LRRC4C: variants seen among roughly 807,000 people sequenced by gnomAD.
LRRC4C encodes leucine-rich repeat-containing protein 4C.
Under a neutral mutation model 33.6 loss-of-function variants are expected in LRRC4C, and 5 were observed. The ratio of observed to expected loss-of-function variants is 0.15; its 90% CI spans 0.08 to 0.31. The LOEUF (loss-of-function observed/expected upper bound fraction) is 0.31. LRRC4C is among the 10% of genes least tolerant of loss of function. The pLI is 1.00. For synonymous variants in LRRC4C, 329 were observed against 302.0 expected, an observed-to-expected ratio of 1.09 and a Z score of -0.93; for missense variants, 560 against 796.7, an observed-to-expected ratio of 0.70 and a Z score of 3.58.
At chr11:40,974,144 G>A (rs1458681434) in intron 1 of LRRC4C, among the ~76,000 whole-genome samples, 1 of 152,120 alleles carries the variant, frequency 6.6e-6, no homozygotes. Flanking sequence ...AAGTATTACA[G>A]GGTAATTTGA....
intron 1 of LRRC4C, among the ~76,000 whole-genome samples, chr11:41,420,595 T>C (rs1954842413): frequency 6.6e-6 from 1 of 152,066 alleles, no homozygotes; most frequent in Non-Finnish European, 1.5e-5. Context: ...CTTTTTGTCC[T>C]ACGAAAAATT....
chr11:40,611,606 A>T (rs1961222659), intron 3 of LRRC4C, among the ~76,000 whole-genome samples: 1 of 151,938 alleles, frequency 6.6e-6, no homozygotes, highest in East Asian at 1.9e-4. Flanking sequence ...ATATTTGCAA[A>T]CCACATATCT....
At chr11:40,465,135 G>C (rs1952589692) in intron 3 of LRRC4C, among the ~76,000 whole-genome samples, 1 of 151,968 alleles carries the variant, frequency 6.6e-6, no homozygotes, top group African/African-American at 2.4e-5. Context: ...GAACAGAATA[G>C]AGAATCCAGA....
intron 5 of LRRC4C, among the ~76,000 whole-genome samples, chr11:40,201,652 A>C (rs1212234350): frequency 6.6e-6 from 1 of 152,066 alleles, no homozygotes; most frequent in African/African-American, 2.4e-5. Flanking sequence ...GACCCATAGA[A>C]CTCCCATAAG....
intron 1 of LRRC4C, among the ~76,000 whole-genome samples, chr11:41,019,166 C>T (rs1445864919): frequency 1.3e-5 from 2 of 151,998 alleles, no homozygotes; most frequent in Non-Finnish European, 2.9e-5. Context: ...TCTAAGTTCC[C>T]TCCCCTCACC....
intron 1 of LRRC4C, among the ~76,000 whole-genome samples, chr11:41,433,429 C>T (rs1955311880): frequency 6.6e-6 from 1 of 152,016 alleles, no homozygotes; most frequent in African/African-American, 2.4e-5. Context: ...ATGGTTAATA[C>T]TGAGTTTTAA....
intron 1 of LRRC4C, among the ~76,000 whole-genome samples, chr11:40,947,969 AT>A (rs1388231463): frequency 1.3e-5 from 2 of 151,406 alleles, no homozygotes; most frequent in East Asian, 1.9e-4. Flanking sequence ...TTTTGTCCTC[AT>A]TTTTTTTCAG....
At chr11:40,943,955 G>A (rs888370325) in intron 1 of LRRC4C, among the ~76,000 whole-genome samples, 9 of 152,146 alleles carry the variant, frequency 5.9e-5, no homozygotes, top group Middle Eastern at 3.4e-3. Flanking sequence ...CCCATTTCTC[G>A]TTAGTCAAAA....
At chr11:40,315,276 G>C (rs1311040037) in intron 4 of LRRC4C, among the ~76,000 whole-genome samples, 4 of 151,898 alleles carry the variant, frequency 2.6e-5, no homozygotes, top group African/African-American at 9.7e-5. Context: ...GTGTGCATGT[G>C]TGTGTGTTTT....
At chr11:41,135,980 G>T (rs532878671) in intron 1 of LRRC4C, among the ~76,000 whole-genome samples, 2 of 152,096 alleles carry the variant, frequency 1.3e-5, no homozygotes, top group African/African-American at 2.4e-5. Flanking sequence ...TACACAATAG[G>T]CATTTATTGA....
At chr11:40,576,319 T>C (rs1958190236) in intron 3 of LRRC4C, among the ~76,000 whole-genome samples, 1 of 152,214 alleles carries the variant, frequency 6.6e-6, no homozygotes, top group Admixed American at 6.5e-5. Flanking sequence ...ATATTTGGCA[T>C]CTGGAATCAA....
intron 2 of LRRC4C, among the ~76,000 whole-genome samples, chr11:40,916,096 G>T (rs1408723451): frequency 1.3e-5 from 2 of 152,176 alleles, no homozygotes; most frequent in Admixed American, 6.5e-5. Flanking sequence ...TACACTGTTG[G>T]TGGGACTGCA....
chr11:40,870,191 A>G (rs1954565101), intron 2 of LRRC4C, among the ~76,000 whole-genome samples: 1 of 152,188 alleles, frequency 6.6e-6, no homozygotes, highest in African/African-American at 2.4e-5. Context: ...AATATTATTA[A>G]TAGTCTTTTT....
chr11:41,182,379 A>T (rs567278214), intron 1 of LRRC4C, among the ~76,000 whole-genome samples: 1 of 152,290 alleles, frequency 6.6e-6, no homozygotes, highest in East Asian at 1.9e-4. Flanking sequence ...ATTTCAGGCC[A>T]TATGAAAACT....
At chr11:41,361,303 A>C (rs1952346893) in intron 1 of LRRC4C, among the ~76,000 whole-genome samples, 1 of 152,232 alleles carries the variant, frequency 6.6e-6, no homozygotes, top group South Asian at 2.1e-4. Context: ...AATCCAGACT[A>C]TAACCCATTC....
chr11:40,984,415 G>GAAAGAAAGAA (rs775053197), intron 1 of LRRC4C, among the ~76,000 whole-genome samples: 1 of 73,604 alleles, frequency 1.4e-5, no homozygotes, highest in African/African-American at 4.2e-5. Flanking sequence ...AAGAAAGAAA[G>GAAAGAAAGAA]AGAAAGAAAG....
At chr11:40,939,648 C>CA (rs1485958156) in intron 1 of LRRC4C, among the ~76,000 whole-genome samples, 20 of 152,152 alleles carry the variant, frequency 1.3e-4, no homozygotes, top group African/African-American at 4.8e-4. Flanking sequence ...TGAACTCTAT[C>CA]AAAAAAGGGG....
intron 1 of LRRC4C, among the ~76,000 whole-genome samples, chr11:41,302,608 A>T (rs182447069): frequency 3.3e-5 from 5 of 152,350 alleles, no homozygotes; most frequent in Non-Finnish European, 2.9e-5. Flanking sequence ...AAAATAACAG[A>T]AGAGATTTCT....
At chr11:40,960,527 A>G (rs1429735941) in intron 1 of LRRC4C, among the ~76,000 whole-genome samples, 3 of 151,782 alleles carry the variant, frequency 2.0e-5, no homozygotes, top group South Asian at 2.1e-4. Flanking sequence ...GACTGAGAAC[A>G]TAGTGTGACC....
Sources: allele counts gnomAD v4.1 joint callset (sites outside exome capture counted in the v4.1 genomes callset), GRCh38; gene constraint gnomAD v4.1.1; transcripts MANE v1.5; gene names NCBI Gene and HGNC (gene_info 2026-07-23, HGNC 2026-07-21).